The following CUX1 variants were observed in gnomAD, a reference collection of about 807,000 sequenced individuals.
The protein encoded by CUX1 is protein CASP.
In CUX1, 31 loss-of-function variants were observed where a neutral mutation model predicts 158.8. The ratio of observed to expected loss-of-function variants is 0.20; its 90% CI spans 0.15 to 0.26. The LOEUF (loss-of-function observed/expected upper bound fraction) is 0.26, where lower values mean the gene tolerates loss of function less well. Ranked by LOEUF, CUX1 falls within the 10% of genes least tolerant of loss-of-function variation. The probability of loss-of-function intolerance (pLI) is 1.00; values close to 1 mark genes in which losing one functional copy is unlikely to be tolerated. For missense variants in CUX1, 1,589 were observed against 2,014.6 expected (o/e 0.79, Z 4.04); for synonymous variants, 879 against 862.1 (o/e 1.02, Z -0.34).
In CUX1 at chr7:102,201,225, G is replaced by A; in HGVS notation, c.2063-135G>A. ...ATGCCTGAATGTTTCACTGACAGGG[G>A]CCATGCTGGGGAAATACACAGTGTG... On this transcript the variant is annotated intron_variant, in intron 17 of 23. Coordinates refer to ENST00000292535, the MANE Select transcript of CUX1 (RefSeq NM_181552.4). The surrounding 1 kb of genome is among the most constrained non-coding windows in gnomAD (Gnocchi z 5.0). 7.7e-7 allele frequency: 1 copy of A among 1,300,102 alleles called. No individual in the cohort carries two copies. Among genetic ancestry groups the A allele is most frequent in the Non-Finnish European group, 1.1e-6 (1 of 946,444 alleles). 80.5% of individuals were successfully genotyped at this position (1,300,102 alleles called of 1,614,324 possible). A position where few individuals can be genotyped will look rare whatever the true frequency, so the allele number is the denominator to read the frequency against.
chr7:102,262,699 C>T (rs1011989304), downstream of CUX1, among the ~76,000 whole-genome samples: 1 of 152,064 alleles, frequency 6.6e-6, no homozygotes, highest in Non-Finnish European at 1.5e-5. Flanking sequence ...TTACATCAGA[C>T]GGATTGCAAA....
intron 1 of CUX1, among the ~76,000 whole-genome samples, chr7:101,821,031 C>T (rs947380770): frequency 3.3e-5 from 5 of 151,926 alleles, no homozygotes; most frequent in Middle Eastern, 3.2e-3. Flanking sequence ...GCCTGGATGC[C>T]GAGAGAAGTG....
chr7:102,254,812 A>C lies in CUX1; in HGVS notation c.*5770A>C. The C allele has an allele frequency of 1.0e-6, 1 of 985,496 alleles. No individual in the cohort carries two copies. Among genetic ancestry groups the C allele is most frequent in the Non-Finnish European group, 1.2e-6 (1 of 829,960 alleles). 61.0% of individuals were successfully genotyped at this position (985,496 alleles called of 1,614,324 possible). ...TGGATCTCAGCGTGTACTGAATGCC[A>C]GTCTGGCCGGCACACTCGAACGCTA... On this transcript the variant is annotated 3_prime_UTR_variant, in exon 24 of 24. Coordinates refer to ENST00000292535, the MANE Select transcript of CUX1 (RefSeq NM_181552.4).
At chr7:101,821,678 T>TC (rs1562884639) in intron 1 of CUX1, among the ~76,000 whole-genome samples, 1 of 101,548 alleles carries the variant, frequency 9.8e-6, no homozygotes, top group African/African-American at 4.0e-5. Flanking sequence ...TTTCTTTTTT[T>TC]TTTTTTTTTT....
At chr7:102,074,943 C>T (rs62465611) in intron 4 of CUX1, among the ~76,000 whole-genome samples, 2,176 of 152,348 alleles carry the variant, frequency 0.014, 22 homozygotes, top group Admixed American at 0.024. Context: ...ACTGCAACCT[C>T]TGCCTTCTGG....
chr7:102,243,644 T>TAATAATAAC (rs1563477711), intron 23 of CUX1, among the ~76,000 whole-genome samples: 3 of 139,322 alleles, frequency 2.2e-5, no homozygotes, highest in Non-Finnish European at 4.6e-5. Flanking sequence ...ATAATAATAA[T>TAATAATAAC]AATAATAATA....
In CUX1 at chr7:102,104,421, G is replaced by A; in HGVS notation, c.492G>A (p.Lys164=). 2 of 1,613,064 alleles carry A rather than the reference G, an allele frequency of 1.2e-6. No individual in the cohort carries two copies. The highest frequency in any genetic ancestry group is 1.7e-6 in the Non-Finnish European group (2 of 1,179,716). ...AAGCCGAAACCATAGCTCTTGAGAA[G>A]GAACAGAAGTTACAGAATGACTTTG... ...KNQAETIALE[K]EQKLQNDFAE... is the part of the protein sequence containing the mutation. Residue 164 remains lysine (K), a synonymous_variant, in exon 6 of 24, where the codon AAG becomes AAA. Coordinates refer to ENST00000292535, the MANE Select transcript of CUX1 (RefSeq NM_181552.4).
chr7:101,854,939 T>C (rs1180556019), intron 1 of CUX1, among the ~76,000 whole-genome samples: 2 of 152,186 alleles, frequency 1.3e-5, no homozygotes, highest in Non-Finnish European at 2.9e-5. Context: ...AGGTGGGGTT[T>C]CACCAGGCTG....
intron 9 of CUX1, among the ~76,000 whole-genome samples, 186 bp from the exon 10 acceptor site, chr7:102,170,260 C>T (rs1791559174): frequency 6.6e-6 from 1 of 152,174 alleles, no homozygotes; most frequent in Non-Finnish European, 1.5e-5. Context: ...TCAATTATTT[C>T]TTCCTTGTAC....
intron 1 of CUX1, among the ~76,000 whole-genome samples, chr7:101,847,010 G>T (rs552888227): frequency 2.0e-5 from 3 of 152,200 alleles, no homozygotes; most frequent in Admixed American, 1.3e-4. Flanking sequence ...TGACATGGTG[G>T]CACGCACCTG....
At chr7:102,151,721 C>CT (rs140485327) in intron 8 of CUX1, among the ~76,000 whole-genome samples, 7,670 of 91,562 alleles carry the variant, frequency 0.084, 472 homozygotes, top group African/African-American at 0.16. Flanking sequence ...GAGTGAGACT[C>CT]TGTCTCAAAA....
chr7:102,173,940 G>A (rs1162468991), intron 10 of CUX1, among the ~76,000 whole-genome samples: 1 of 152,088 alleles, frequency 6.6e-6, no homozygotes, highest in African/African-American at 2.4e-5. Context: ...CGGAAAAATG[G>A]TCTGTTGGGC....
chr7:102,118,739 T>TTTGTTG (rs199523062), intron 8 of CUX1, among the ~76,000 whole-genome samples: 17 of 151,920 alleles, frequency 1.1e-4, no homozygotes, highest in Admixed American at 2.0e-4. Flanking sequence ...CTGGGTGGTT[T>TTTGTTG]TTGTTGTTGT....
At chr7:102,091,841 C>T (rs1293349919) in intron 4 of CUX1, among the ~76,000 whole-genome samples, 1 of 151,930 alleles carries the variant, frequency 6.6e-6, no homozygotes, top group African/African-American at 2.4e-5. Context: ...CTGCAACCTC[C>T]ACCTCCCAGG....
At chr7:101,946,020 T>C (rs1808321607) in intron 2 of CUX1, among the ~76,000 whole-genome samples, 2 of 151,832 alleles carry the variant, frequency 1.3e-5, no homozygotes, top group African/African-American at 4.8e-5. Context: ...TGGAGAGAGG[T>C]CAAGGTAGAA....
At chr7:102,215,167 G>A (rs1796924051) in intron 20 of CUX1, among the ~76,000 whole-genome samples, 1 of 151,278 alleles carries the variant, frequency 6.6e-6, no homozygotes, top group Admixed American at 6.6e-5. Flanking sequence ...TCGTGAATGT[G>A]GAAAAGACAG....
At chr7:102,006,644 A>G (rs111851840) in intron 2 of CUX1, among the ~76,000 whole-genome samples, 6 of 152,260 alleles carry the variant, frequency 3.9e-5, no homozygotes, top group African/African-American at 1.4e-4. Flanking sequence ...CAGCCTCCCA[A>G]AGTGCTGGGA....
intron 8 of CUX1, among the ~76,000 whole-genome samples, chr7:102,146,350 G>A (rs1554502024): frequency 6.6e-6 from 1 of 152,198 alleles, no homozygotes. Flanking sequence ...GCTCTGGTGA[G>A]CACCCAGCCG....
At chr7:101,942,224 T>C (rs541298473) in intron 2 of CUX1, among the ~76,000 whole-genome samples, 117 of 152,314 alleles carry the variant, frequency 7.7e-4, no homozygotes, top group Admixed American at 3.9e-3. Flanking sequence ...TGGAGTATCA[T>C]AGCCAGGACA....
Sources: gnomAD v4.1 joint callset for allele counts (sites outside exome capture counted in the v4.1 genomes callset) on GRCh38, gnomAD v4.1.1 for gene constraint, Gnocchi (gnomAD v3.1) non-coding constraint, MANE v1.5 for transcripts, NCBI Gene and HGNC (gene_info 2026-07-23, HGNC 2026-07-21) for gene names.